VOPP1: variants seen among roughly 807,000 people sequenced by gnomAD.
VOPP1 encodes VOPP1 WW domain binding protein.
Under a neutral mutation model 23.5 loss-of-function variants are expected in VOPP1, and 8 were observed. The observed-to-expected ratio is 0.34, with a 90% CI of 0.20 to 0.61. VOPP1 has a LOEUF of 0.61. Among genes scored for constraint, VOPP1 ranks in the 20% least tolerant of loss-of-function variants. The probability of loss-of-function intolerance (pLI) is 0.78; values close to 1 mark genes in which losing one functional copy is unlikely to be tolerated. For synonymous variants in VOPP1, 83 were observed against 97.3 expected (o/e 0.85, Z 0.86); for missense variants, 174 against 238.1 (o/e 0.73, Z 1.77).
chr7:55,560,420 A>G lies in VOPP1; in HGVS notation c.54+11851T>C, dbSNP rs149560334. 8.6e-4 allele frequency among the ~76,000 whole-genome samples: 131 copies of G among 152,320 alleles called. 3 individuals are homozygous for G. The East Asian group carries it at 0.023, about 27-fold the overall frequency. On this transcript the variant is annotated intron_variant, in intron 1 of 4. Coordinates refer to ENST00000285279, the MANE Select transcript of VOPP1 (RefSeq NM_030796.5). ...CCAATGTAATCTCAAGGGTCTTTAC[A>G]GTGACAGAGAGAGAGAAGCATGAGA... is the stretch of plus-strand genomic sequence containing the variant.
intron 1 of VOPP1, among the ~76,000 whole-genome samples, chr7:55,550,815 C>A (rs1797575564): frequency 6.6e-6 from 1 of 152,138 alleles, no homozygotes; most frequent in African/African-American, 2.4e-5. Context: ...AAAACATGAC[C>A]TATTTTCGTG....
intron 4 of VOPP1, among the ~76,000 whole-genome samples, chr7:55,483,673 G>T (rs1210841594): frequency 6.6e-6 from 1 of 152,158 alleles, no homozygotes; most frequent in Non-Finnish European, 1.5e-5. Flanking sequence ...GGTGAATTCT[G>T]TTACTTTCCC....
chr7:55,446,277 G>A lies in VOPP1; in HGVS notation n.418-10103C>T, dbSNP rs556409290. On this transcript the variant is annotated intron_variant and non_coding_transcript_variant, in intron 4 of 4. Transcript: ENST00000462326. Reference sequence around the variant, plus strand: ...CAAAGTGCTGGGATTACAGGCGTGAGCCACCGCGCCCGGCCGAGGTGATAC... The same window carrying A: ...CAAAGTGCTGGGATTACAGGCGTGAACCACCGCGCCCGGCCGAGGTGATAC... 7.9e-5 allele frequency among the ~76,000 whole-genome samples: 12 copies of A among 152,296 alleles called. No homozygotes were observed. The East Asian group carries it at 2.1e-3, about 27-fold the overall frequency.
chr7:55,511,089 A>T (rs1219481927), intron 2 of VOPP1, among the ~76,000 whole-genome samples: 1 of 152,244 alleles, frequency 6.6e-6, no homozygotes, highest in Non-Finnish European at 1.5e-5. Flanking sequence ...CCTTGGTTTC[A>T]GAACCTTGTA....
intron 1 of VOPP1, among the ~76,000 whole-genome samples, chr7:55,557,094 TG>T (rs1562628589): frequency 6.6e-6 from 1 of 152,242 alleles, no homozygotes; most frequent in African/African-American, 2.4e-5. Context: ...TTGGTGTTTC[TG>T]GGTGGCCTAC....
rs1793520880 is a variant in VOPP1 at position 55,490,959 on chromosome 7, CT to C, written c.328+1322del. On this transcript the variant is annotated intron_variant, in intron 4 of 4. Transcript: ENST00000285279. ...AACAAATATGCAAATGACTTTGCAT[CT>C]TGATAACAGCCTGTTCTCAGGAAAA... is the stretch of plus-strand genomic sequence containing the variant. Among the ~76,000 whole-genome samples, 4 of 152,330 alleles carry C rather than the reference CT, an allele frequency of 2.6e-5. No homozygotes were observed. The South Asian group carries it at 8.3e-4, about 32-fold the overall frequency.
chr7:55,548,455 C>A (rs976792783), intron 1 of VOPP1, among the ~76,000 whole-genome samples: 3 of 152,238 alleles, frequency 2.0e-5, no homozygotes, highest in African/African-American at 7.2e-5. Flanking sequence ...GGCTTACCTT[C>A]CTGTTTTCTC....
chr7:55,464,261 G>A (rs1791579041), intron 4 of VOPP1, among the ~76,000 whole-genome samples: 1 of 152,176 alleles, frequency 6.6e-6, no homozygotes, highest in African/African-American at 2.4e-5. Flanking sequence ...GTGGGCAGAG[G>A]TGGTGGGCAG....
chr7:55,534,469 ACATCATTTCTG>A (rs1415139564), intron 1 of VOPP1, among the ~76,000 whole-genome samples: 1 of 152,158 alleles, frequency 6.6e-6, no homozygotes, highest in Non-Finnish European at 1.5e-5. Context: ...GGTAAACTTA[ACATCATTTCTG>A]CATTAGTCAT....
At chr7:55,554,554 T>G (rs1304501899) in intron 1 of VOPP1, among the ~76,000 whole-genome samples, 1 of 152,068 alleles carries the variant, frequency 6.6e-6, no homozygotes, top group Non-Finnish European at 1.5e-5. Flanking sequence ...TTCTAGAAAC[T>G]TTGAGTAAAA....
In VOPP1 at chr7:55,536,480, G is replaced by C. The variant is rs543843143; in HGVS notation, c.55-15350C>G. On this transcript the variant is annotated intron_variant, in intron 1 of 4. Coordinates refer to ENST00000285279, the MANE Select transcript of VOPP1 (RefSeq NM_030796.5). ...GGAGGCAGAGGTTGCAGTGAGCCGA[G>C]ATTGCACCACTGCTCTGCAGCCTGG... 2.6e-5 allele frequency among the ~76,000 whole-genome samples: 4 copies of C among 152,272 alleles called. No homozygotes were observed. In the South Asian group the frequency reaches 8.3e-4, roughly 32 times the overall value.
At chr7:55,534,891 G>A (rs953625411) in intron 1 of VOPP1, among the ~76,000 whole-genome samples, 8 of 152,222 alleles carry the variant, frequency 5.3e-5, no homozygotes, top group Non-Finnish European at 1.0e-4. Context: ...CTCCATCCAC[G>A]TGGTCAAGCC....
chr7:55,508,859 T>C (rs1794895205), intron 2 of VOPP1, among the ~76,000 whole-genome samples: 1 of 152,118 alleles, frequency 6.6e-6, no homozygotes, highest in Admixed American at 6.5e-5. Context: ...TATGAGTTCA[T>C]AGTGAGATCC....
chr7:55,504,658 T>C (rs1430742535), intron 2 of VOPP1, among the ~76,000 whole-genome samples: 1 of 152,240 alleles, frequency 6.6e-6, no homozygotes, highest in Admixed American at 6.5e-5. Flanking sequence ...CACTGTTCCT[T>C]GTGCAGAATC....
At chr7:55,489,710 G>A (rs1793425242) in intron 4 of VOPP1, among the ~76,000 whole-genome samples, 3 of 152,270 alleles carry the variant, frequency 2.0e-5, no homozygotes, top group East Asian at 3.9e-4. Flanking sequence ...TAGTTGTGAT[G>A]TATTCCGACC....
chr7:55,539,895 C>T (rs1394386034), intron 1 of VOPP1, among the ~76,000 whole-genome samples: 1 of 109,822 alleles, frequency 9.1e-6, no homozygotes, highest in Non-Finnish European at 1.9e-5. Context: ...ATAACATAAG[C>T]GCTGCACACA....
chr7:55,463,015 C>T (rs1791543590), intron 4 of VOPP1, among the ~76,000 whole-genome samples: 1 of 152,126 alleles, frequency 6.6e-6, no homozygotes, highest in Admixed American at 6.5e-5. Flanking sequence ...TTACTCAGAT[C>T]ATAAGTTGTT....
chr7:55,528,488 C>T (rs1343447297), intron 1 of VOPP1, among the ~76,000 whole-genome samples: 1 of 152,052 alleles, frequency 6.6e-6, no homozygotes, highest in Non-Finnish European at 1.5e-5. Context: ...ATATTTAAAC[C>T]AGCCTGGTCA....
chr7:55,494,642 T>C (rs1223051237), intron 3 of VOPP1, among the ~76,000 whole-genome samples: 1 of 152,224 alleles, frequency 6.6e-6, no homozygotes, highest in Non-Finnish European at 1.5e-5. Flanking sequence ...TTTTAAAAAT[T>C]TATTTAAAAT....
Sources: gnomAD v4.1 joint callset for allele counts (sites outside exome capture counted in the v4.1 genomes callset) on GRCh38, gnomAD v4.1.1 for gene constraint, MANE v1.5 for transcripts, NCBI Gene and HGNC (gene_info 2026-07-23, HGNC 2026-07-21) for gene names.